Variants in DYTN observed in about 807,000 individuals in gnomAD.
DYTN encodes the protein dystrotelin.
In DYTN, 75 loss-of-function variants were observed where a neutral mutation model predicts 69.6. The ratio of observed to expected loss-of-function variants is 1.08; its 90% confidence interval spans 0.89 to 1.31. The LOEUF (loss-of-function observed/expected upper bound fraction) is 1.31. Among genes scored for constraint, DYTN ranks in the 50% most tolerant of loss-of-function variants. The pLI is 0.00. For missense variants in DYTN, 726 were observed against 688.4 expected (o/e 1.05, Z -0.61); for synonymous variants, 252 against 249.1 (o/e 1.01, Z -0.11).
At chr2:206,660,022 GA>G (rs1699495854) in intron 11 of DYTN, among the ~76,000 whole-genome samples, 1 of 77,556 alleles carries the variant, frequency 1.3e-5, no homozygotes, top group African/African-American at 4.7e-5. Context: ...TTCTTGCAAA[GA>G]AAAAAAGATG....
intron 9 of DYTN, among the ~76,000 whole-genome samples, chr2:206,681,594 G>C (rs549844285): frequency 3.5e-4 from 54 of 152,212 alleles, no homozygotes; most frequent in Admixed American, 1.2e-3. Flanking sequence ...AAGGGATGTT[G>C]AATTTTATTG....
At chr2:206,672,695 A>G (rs575155132) in intron 9 of DYTN, among the ~76,000 whole-genome samples, 6 of 152,380 alleles carry the variant, frequency 3.9e-5, no homozygotes, top group African/African-American at 1.4e-4. Flanking sequence ...ACTATTACAG[A>G]TGACCATATT....
chr2:206,705,987 T>C, intron 3 of DYTN, 114 bp from the exon 4 acceptor site: 1 of 1,166,874 alleles, frequency 8.6e-7, no homozygotes, highest in Non-Finnish European at 1.2e-6. Context: ...TGCTATAAGT[T>C]CCAACTTTTT....
intron 9 of DYTN, chr2:206,670,616 C>T (rs1374576266): frequency 6.6e-6 from 1 of 151,908 alleles, no homozygotes; most frequent in Non-Finnish European, 1.5e-5. Context: ...AATCCACATC[C>T]TAAAAATCCA....
At chr2:206,663,707 A>C (rs1490499457) in intron 10 of DYTN, among the ~76,000 whole-genome samples, 1 of 152,244 alleles carries the variant, frequency 6.6e-6, no homozygotes, top group Non-Finnish European at 1.5e-5. Context: ...AAACATAAGC[A>C]TATGTTGAAT....
In DYTN at chr2:206,710,516, A is replaced by G; in HGVS notation, c.94+8T>C. 1.9e-6 allele frequency: 3 copies of G among 1,607,898 alleles called. No homozygotes were observed. The highest frequency in any genetic ancestry group is 2.5e-6 in the Non-Finnish European group (3 of 1,177,328). The stretch of plus-strand genomic sequence containing the variant: ...TATTTCAAATATTTCAGGAGAGCCT[A>G]TACTTACACTGGCACAGAGTTTGCA... On this transcript the variant is annotated splice_region_variant and intron_variant, in intron 2 of 11. Transcript: ENST00000452335.
chr2:206,716,620 G>A (rs1700132882), intron 1 of DYTN, among the ~76,000 whole-genome samples: 1 of 151,976 alleles, frequency 6.6e-6, no homozygotes, highest in African/African-American at 2.4e-5. Context: ...TTAGAGAATG[G>A]GAGATGTCAG....
chr2:206,677,836 C>T (rs558944395), intron 9 of DYTN, among the ~76,000 whole-genome samples: 1 of 152,114 alleles, frequency 6.6e-6, no homozygotes, highest in African/African-American at 2.4e-5. Context: ...ACTAAAAATA[C>T]AAAAATTAGC....
chr2:206,668,789 G>T (rs935896655), intron 9 of DYTN, among the ~76,000 whole-genome samples: 4 of 152,174 alleles, frequency 2.6e-5, no homozygotes, highest in African/African-American at 7.2e-5. Flanking sequence ...GGACCAGGTG[G>T]AGGTAATTAA....
intron 9 of DYTN, among the ~76,000 whole-genome samples, chr2:206,688,028 T>G (rs1192303009): frequency 6.6e-6 from 1 of 152,204 alleles, no homozygotes; most frequent in Non-Finnish European, 1.5e-5. Context: ...TTAGAAAACC[T>G]TGTGATTCTA....
At chr2:206,707,202 T>C in intron 3 of DYTN, 100 bp downstream of exon 3, 1 of 1,418,194 alleles carries the variant, frequency 7.1e-7, no homozygotes, top group Non-Finnish European at 9.6e-7. Flanking sequence ...ACTTCTTATA[T>C]ACCAAACCTC....
chr2:206,693,348 A>C (rs1191961073), intron 8 of DYTN, 25 bp from the exon 9 acceptor site: 2 of 1,606,338 alleles, frequency 1.2e-6, no homozygotes, highest in African/African-American at 2.7e-5. Context: ...AACATTTTTA[A>C]AAAGCGTCAG....
chr2:206,686,928 G>C (rs1285031516), intron 9 of DYTN: 1 of 153,914 alleles, frequency 6.5e-6, no homozygotes, highest in Non-Finnish European at 1.5e-5. Context: ...ACAGGACTTG[G>C]AGTCAACTTC....
At chr2:206,695,648 G>C (rs546804628) in intron 7 of DYTN, among the ~76,000 whole-genome samples, 15 of 152,342 alleles carry the variant, frequency 9.8e-5, no homozygotes, top group African/African-American at 3.1e-4. Context: ...AGACCTAGCA[G>C]TCATCAGTTA....
intron 10 of DYTN, 67 bp downstream of exon 10, chr2:206,665,803 T>C (rs1699563750): frequency 2.6e-6 from 4 of 1,564,314 alleles, no homozygotes; most frequent in Non-Finnish European, 3.5e-6. Context: ...AGCTCCTCCC[T>C]TGGCTGAAGG....
intron 11 of DYTN, among the ~76,000 whole-genome samples, chr2:206,660,124 G>A (rs187422993): frequency 3.5e-4 from 53 of 152,262 alleles, no homozygotes; most frequent in African/African-American, 1.2e-3. Context: ...GATTGTGAGT[G>A]AAAGCATTAA....
chr2:206,663,286 A>G lies in DYTN; in HGVS notation c.1250T>C (p.Ile417Thr). 6.2e-7 allele frequency: 1 copy of G among 1,613,978 alleles called. No individual in the cohort carries two copies. The highest frequency in any genetic ancestry group is 1.3e-5 in the African/African-American group (1 of 75,040). Residue 417 changes from isoleucine to threonine, a missense_variant, in exon 11 of 12, where the codon ATC (isoleucine) becomes ACC (threonine). Transcript: ENST00000452335. ...KVPKGGDYLQ[I>T]KNATEDASTG... ...TGAAGCATCTTCAGTGGCATTCTTG[A>G]TCTGCAAATAATCCCCTCCCTTTGG...
chr2:206,695,231 G>A (rs1574599354), intron 7 of DYTN, among the ~76,000 whole-genome samples: 1 of 152,298 alleles, frequency 6.6e-6, no homozygotes, highest in Admixed American at 6.5e-5. Context: ...GTTTTGTGCA[G>A]CTGCACAATG....
At chr2:206,715,818 G>A (rs542891743) in intron 1 of DYTN, among the ~76,000 whole-genome samples, 298 of 152,048 alleles carry the variant, frequency 2.0e-3, no homozygotes, top group Admixed American at 3.1e-3. Context: ...GGCCGGGTGC[G>A]GTGGCTCACG....
Sources: allele counts gnomAD v4.1 joint callset (sites outside exome capture counted in the v4.1 genomes callset), GRCh38; gene constraint gnomAD v4.1.1; transcripts MANE v1.5; gene names NCBI Gene and HGNC (gene_info 2026-07-23, HGNC 2026-07-21).